ZC3H12B: variants seen among roughly 807,000 people sequenced by gnomAD.
ZC3H12B encodes probable ribonuclease ZC3H12B.
In ZC3H12B, 7 loss-of-function variants were observed where a neutral mutation model predicts 43.9. That is an observed-to-expected ratio of 0.16 (90% confidence interval 0.09 to 0.30). The LOEUF is 0.30. ZC3H12B is among the 10% of genes least tolerant of loss of function. The pLI is 1.00. For synonymous variants in ZC3H12B, 222 were observed against 241.7 expected (o/e 0.92, Z 0.76); for missense variants, 475 against 670.2 (o/e 0.71, Z 3.22).
the ZC3H12B span, among the ~76,000 whole-genome samples, chrX:65,035,612 C>T: frequency 4.5e-5 from 5 of 111,069 alleles, no homozygotes; most frequent in African/African-American, 1.3e-4. Context: ...CGCTCTGGCT[C>T]TGGCTCTCGC....
chrX:65,178,572 AAAC>A, the ZC3H12B span, among the ~76,000 whole-genome samples: 3 of 112,456 alleles, frequency 2.7e-5, no homozygotes, highest in African/African-American at 6.5e-5. Context: ...TAGAAGAAAA[AAAC>A]AACCTTATCA....
At chrX:65,173,594 C>T in the ZC3H12B span, among the ~76,000 whole-genome samples, 2 of 111,716 alleles carry the variant, frequency 1.8e-5, no homozygotes, top group Non-Finnish European at 3.8e-5. Context: ...GAGATATGTT[C>T]CATCAATATA....
the ZC3H12B span, among the ~76,000 whole-genome samples, chrX:65,171,559 T>G: frequency 9.0e-6 from 1 of 111,410 alleles, no homozygotes; most frequent in Admixed American, 9.6e-5. Flanking sequence ...AGCACTACTC[T>G]CTTCAAAGCT....
At chrX:65,226,000 A>G in the ZC3H12B span, among the ~76,000 whole-genome samples, 160 of 111,867 alleles carry the variant, frequency 1.4e-3, 1 homozygote, top group African/African-American at 5.1e-3. Context: ...GAAGGCCAAC[A>G]TTCAGATTCA....
At chrX:65,373,767 G>A (rs1360630868) in intron 2 of ZC3H12B, among the ~76,000 whole-genome samples, 1 of 94,382 alleles carries the variant, frequency 1.1e-5, no homozygotes, top group African/African-American at 4.0e-5. Flanking sequence ...GGGAGGGATA[G>A]CATTAGGAGA....
chrX:65,277,397 A>G, the ZC3H12B span, among the ~76,000 whole-genome samples: 1 of 111,856 alleles, frequency 8.9e-6, no homozygotes, highest in Admixed American at 9.5e-5. Flanking sequence ...TATTTCACCC[A>G]ATAGCTGTAG....
chrX:65,392,521 C>T (rs1306620858), intron 2 of ZC3H12B, among the ~76,000 whole-genome samples: 1 of 111,759 alleles, frequency 8.9e-6, no homozygotes, highest in Non-Finnish European at 1.9e-5. Flanking sequence ...GAGGGGCGCC[C>T]CCGCCCGGTA....
At chrX:65,193,735 T>C in the ZC3H12B span, among the ~76,000 whole-genome samples, 2 of 112,340 alleles carry the variant, frequency 1.8e-5, no homozygotes, top group African/African-American at 6.5e-5. Flanking sequence ...TTATTTGAAA[T>C]TTTTCTACTT....
chrX:65,420,356 C>A (rs140958010), intron 3 of ZC3H12B, among the ~76,000 whole-genome samples: 2 of 112,348 alleles, frequency 1.8e-5, no homozygotes, highest in East Asian at 5.6e-4. Context: ...GGCTCACCCA[C>A]CTGTTGATCC....
the ZC3H12B span, among the ~76,000 whole-genome samples, chrX:65,290,193 A>T: frequency 0.14 from 15,613 of 110,609 alleles, 2,650 homozygotes; most frequent in African/African-American, 0.48. Context: ...TATTTCTTAA[A>T]AGGTGATATG....
At position 65,419,408 on chromosome X, in the gene ZC3H12B, G is replaced by A. The variant is rs780495190; in HGVS notation, n.407+20704G>A. Among the ~76,000 whole-genome samples the A allele has an allele frequency of 2.7e-5, 3 of 112,135 alleles. No homozygotes were observed. The South Asian group carries it at 1.1e-3, about 42-fold the overall frequency. ...GAGTGACAGTGGATTCACACTTGTG[G>A]TCAGCAAATGGTATAATAGGACACT... On this transcript the variant is annotated intron_variant and non_coding_transcript_variant, in intron 3 of 5. Coordinates refer to the ZC3H12B transcript ENST00000617377.
chrX:65,310,934 G>T, the ZC3H12B span, among the ~76,000 whole-genome samples: 25 of 112,117 alleles, frequency 2.2e-4, no homozygotes, highest in East Asian at 7.0e-3. Context: ...GGGAAAACTG[G>T]CTAGCCATAT....
At chrX:65,213,228 C>T in the ZC3H12B span, among the ~76,000 whole-genome samples, 2 of 109,948 alleles carry the variant, frequency 1.8e-5, no homozygotes, top group East Asian at 5.7e-4. Context: ...CACGAGTATA[C>T]CAAGTCTATT....
At chrX:65,062,091 A>AT in the ZC3H12B span, among the ~76,000 whole-genome samples, 1 of 111,428 alleles carries the variant, frequency 9.0e-6, no homozygotes, top group Admixed American at 9.5e-5. Flanking sequence ...AGATTGCAAA[A>AT]TTTTTCTCCC....
the ZC3H12B span, among the ~76,000 whole-genome samples, chrX:65,110,525 A>T: frequency 9.0e-6 from 1 of 110,753 alleles, no homozygotes. Flanking sequence ...TTGCTCCAGC[A>T]TTCCATTTTT....
the ZC3H12B span, among the ~76,000 whole-genome samples, chrX:65,058,740 G>A: frequency 7.2e-5 from 8 of 111,741 alleles, no homozygotes; most frequent in South Asian, 7.5e-4. Context: ...CAAGCTTCCC[G>A]GCCACATTGC....
chrX:65,237,585 A>G, the ZC3H12B span, among the ~76,000 whole-genome samples: 1 of 109,565 alleles, frequency 9.1e-6, no homozygotes, highest in African/African-American at 3.3e-5. Context: ...CCTGTCCAGA[A>G]CTTGCAATTC....
the ZC3H12B span, among the ~76,000 whole-genome samples, chrX:65,338,823 G>T: frequency 1.8e-5 from 2 of 111,703 alleles, no homozygotes; most frequent in Non-Finnish European, 3.8e-5. Flanking sequence ...ATCTCTTTAT[G>T]ACAAAAACCC....
At chrX:65,073,275 A>G in the ZC3H12B span, among the ~76,000 whole-genome samples, 1 of 112,594 alleles carries the variant, frequency 8.9e-6, no homozygotes, top group South Asian at 3.7e-4. Flanking sequence ...TGGCAAAGCA[A>G]TGTTGGGGTG....
Sources: allele counts gnomAD v4.1 joint callset (sites outside exome capture counted in the v4.1 genomes callset), GRCh38; gene constraint gnomAD v4.1.1; transcripts MANE v1.5; gene names NCBI Gene and HGNC (gene_info 2026-07-23, HGNC 2026-07-21).